NUCB2: variants seen among roughly 807,000 people sequenced by gnomAD.
The protein encoded by NUCB2 is nucleobindin 2.
A neutral mutation model predicts 57.9 loss-of-function variants in NUCB2; 48 were observed. The ratio of observed to expected loss-of-function variants is 0.83; its 90% CI spans 0.66 to 1.05. The LOEUF (loss-of-function observed/expected upper bound fraction) is 1.05. Among genes scored for constraint, NUCB2 ranks in the 50% least tolerant of loss-of-function variants. The pLI, the probability that NUCB2 is intolerant of heterozygous loss-of-function variation, is 0.00. For synonymous variants in NUCB2, 139 were observed against 152.1 expected (o/e 0.91, Z 0.64); for missense variants, 442 against 476.2 (o/e 0.93, Z 0.67).
At chr11:17,327,185 C>T (rs889705940) in intron 11 of NUCB2, among the ~76,000 whole-genome samples, 4 of 152,068 alleles carry the variant, frequency 2.6e-5, no homozygotes, top group African/African-American at 4.8e-5. Context: ...TTTAGGCTCC[C>T]GAGCAGCTGG....
intron 1 of NUCB2, among the ~76,000 whole-genome samples, chr11:17,279,255 A>G (rs948436671): frequency 3.3e-5 from 5 of 152,200 alleles, no homozygotes; most frequent in African/African-American, 1.2e-4. Flanking sequence ...AAAAACTTCA[A>G]TCACTTTCAT....
intron 2 of NUCB2, among the ~76,000 whole-genome samples, chr11:17,294,981 G>A (rs756987392): frequency 5.9e-5 from 9 of 152,156 alleles, no homozygotes; most frequent in Non-Finnish European, 1.2e-4. Flanking sequence ...CCAGGAGGCA[G>A]AGGTTGGGGT....
rs1951243491 is a variant in NUCB2 at position 17,330,377 on chromosome 11, C to A, written c.1173+80C>A. On this transcript the variant is annotated intron_variant, in intron 12 of 13. Coordinates refer to ENST00000529010, the MANE Select transcript of NUCB2 (RefSeq NM_005013.4). The surrounding 1 kb of genome is among the most constrained non-coding windows in gnomAD (Gnocchi z 4.3). ...AAGCCTGTGTTTTTGTAACATATTT[C>A]ATTGTACTATATAGTACACTGCTAT... The A allele has an allele frequency of 9.5e-6, 10 of 1,050,976 alleles. No individual in the cohort carries two copies. Among genetic ancestry groups the A allele is most frequent in the Non-Finnish European group, 1.4e-5 (10 of 712,676 alleles). The allele number at this position is 1,050,976 out of a possible 1,614,324, so 65.1% of individuals were successfully genotyped here.
rs139239978 is a variant in NUCB2, at chr11:17,316,383, T to C, written c.1002+908T>C. Among the ~76,000 whole-genome samples, 310 of 152,386 alleles carry C rather than the reference T, an allele frequency of 2.0e-3. 2 individuals are homozygous for C. The highest frequency in any genetic ancestry group is 7.3e-3 in the African/African-American group (303 of 41,596). On this transcript the variant is annotated intron_variant, in intron 11 of 13. Coordinates refer to ENST00000529010, the MANE Select transcript of NUCB2 (RefSeq NM_005013.4). ...TTTCACAAACATCTTTTAATATCAT[T>C]CTTCAAAAACATGATTTTTAAAATG...
At position 17,288,552 on chromosome 11, in the gene NUCB2, C is replaced by CT. The variant is rs1362783048; in HGVS notation, c.-1+5625dup. Reference sequence around the variant, plus strand: ...TCTTTTTCTTCTTCTTCTTCTTCTTCTTTTTTTTTTTTTTTTGAGACAGTC... The same window carrying CT: ...TCTTTTTCTTCTTCTTCTTCTTCTTCTTTTTTTTTTTTTTTTTGAGACAGTC... On this transcript the variant is annotated intron_variant, in intron 2 of 13. Transcript: ENST00000529010. Among the ~76,000 whole-genome samples the CT allele has an allele frequency of 3.3e-3, 333 of 101,166 alleles. 12 individuals are homozygous for CT. Among genetic ancestry groups the CT allele is most frequent in the Middle Eastern group, 5.8e-3 (1 of 172 alleles). 66.4% of individuals were successfully genotyped at this position (101,166 alleles called of 152,430 possible). A position where few individuals can be genotyped will look rare whatever the true frequency, so the allele number is the denominator to read the frequency against.
chr11:17,285,376 C>T (rs112050138), intron 2 of NUCB2, among the ~76,000 whole-genome samples: 1 of 152,100 alleles, frequency 6.6e-6, no homozygotes, highest in South Asian at 2.1e-4. Context: ...AGATCGAGAC[C>T]AGCCTGGACA....
intron 2 of NUCB2, among the ~76,000 whole-genome samples, chr11:17,343,698 C>T (rs188722257): frequency 6.6e-6 from 1 of 152,060 alleles, no homozygotes; most frequent in East Asian, 1.9e-4. Context: ...TTTACTATGT[C>T]CTTTAATGTT....
chr11:17,291,544 T>G (rs536885796), intron 2 of NUCB2, among the ~76,000 whole-genome samples: 1 of 1,582 alleles, frequency 6.3e-4, no homozygotes, highest in Admixed American at 0.012. Context: ...AGACTCTGCA[T>G]CAAAAAAAAA....
intron 11 of NUCB2, among the ~76,000 whole-genome samples, chr11:17,328,654 T>C (rs1292029806): frequency 6.6e-6 from 1 of 152,154 alleles, no homozygotes; most frequent in African/African-American, 2.4e-5. Context: ...AGGGCTTTTC[T>C]GTCACCTTGC....
chr11:17,326,641 T>C (rs1199784556), intron 11 of NUCB2, among the ~76,000 whole-genome samples: 1 of 152,182 alleles, frequency 6.6e-6, no homozygotes, highest in Non-Finnish European at 1.5e-5. Context: ...TCTTATTTTA[T>C]TGCCTGCCTT....
intron 1 of NUCB2, among the ~76,000 whole-genome samples, chr11:17,282,087 A>G (rs914139235): frequency 2.6e-5 from 4 of 151,594 alleles, no homozygotes; most frequent in Non-Finnish European, 4.4e-5. Flanking sequence ...AAGTTGCCCT[A>G]TATCTTGAAG....
chr11:17,286,942 G>C (rs1340060146), intron 2 of NUCB2, among the ~76,000 whole-genome samples: 1 of 151,708 alleles, frequency 6.6e-6, no homozygotes, highest in Non-Finnish European at 1.5e-5. Flanking sequence ...AAATACAGTT[G>C]ATGTTTATGG....
Position 17,307,284 on chromosome 11 carries a change from CT to C in NUCB2, c.380-2287del, listed in dbSNP as rs1292968159. ...GTATCCTGTCAGTTCCCAATGTCCCCTAACACCATCCTCCTTGGGTTTATCT... is the reference window on the plus strand; with the variant it reads ...GTATCCTGTCAGTTCCCAATGTCCCCAACACCATCCTCCTTGGGTTTATCT... On this transcript the variant is annotated intron_variant, in intron 5 of 13. Transcript: ENST00000529010. Among the ~76,000 whole-genome samples the C allele has an allele frequency of 9.2e-5, 14 of 151,914 alleles. No homozygotes were observed. In the East Asian group the frequency reaches 2.7e-3, roughly 29 times the overall value.
At chr11:17,301,709 A>T in intron 4 of NUCB2, 35 bp from the exon 5 acceptor site, 1 of 1,546,584 alleles carries the variant, frequency 6.5e-7, no homozygotes. Flanking sequence ...AATGGAATGT[A>T]ATAGATAAAA....
At chr11:17,314,748 T>C (rs919837236) in intron 10 of NUCB2, among the ~76,000 whole-genome samples, 7 of 152,192 alleles carry the variant, frequency 4.6e-5, no homozygotes, top group African/African-American at 7.2e-5. Context: ...TCAGTAACTT[T>C]CATCTGAATT....
chr11:17,317,897 C>T (rs759634228), intron 11 of NUCB2, among the ~76,000 whole-genome samples: 36 of 151,226 alleles, frequency 2.4e-4, no homozygotes, highest in East Asian at 1.6e-3. Context: ...AGGCTGGTCC[C>T]GAACTCCTGG....
chr11:17,329,223 A>C (rs930918942), intron 11 of NUCB2, among the ~76,000 whole-genome samples: 6 of 152,090 alleles, frequency 3.9e-5, no homozygotes, highest in Non-Finnish European at 8.8e-5. Context: ...AGTCACTTTC[A>C]TAGCCACAAG....
intron 2 of NUCB2, among the ~76,000 whole-genome samples, chr11:17,288,464 A>G (rs907375717): frequency 2.6e-5 from 4 of 151,528 alleles, no homozygotes; most frequent in Non-Finnish European, 5.9e-5. Context: ...AATAGCTGGG[A>G]TTACAGGTGC....
chr11:17,311,130 A>G (rs1948427650), intron 7 of NUCB2, 63 bp from the exon 8 acceptor site: 1 of 1,451,652 alleles, frequency 6.9e-7, no homozygotes, highest in Non-Finnish European at 9.4e-7. Flanking sequence ...TCAAATTTAT[A>G]TTTTGAGTCT....
Sources: gnomAD v4.1 joint callset for allele counts (sites outside exome capture counted in the v4.1 genomes callset) on GRCh38, gnomAD v4.1.1 for gene constraint, Gnocchi (gnomAD v3.1) non-coding constraint, MANE v1.5 for transcripts, NCBI Gene and HGNC (gene_info 2026-07-23, HGNC 2026-07-21) for gene names.